PEX5L: variants seen among roughly 807,000 people sequenced by gnomAD.
PEX5L encodes the protein PEX5-related protein.
PEX5L carries 30 observed loss-of-function variants against 84.0 expected under a neutral mutation model. The ratio of observed to expected loss-of-function variants is 0.36; its 90% confidence interval spans 0.27 to 0.48. The LOEUF (loss-of-function observed/expected upper bound fraction) is 0.48, where lower values mean the gene tolerates loss of function less well. Among genes scored for constraint, PEX5L ranks in the 20% least tolerant of loss-of-function variants. The pLI is 0.99. For synonymous variants in PEX5L, 270 were observed against 283.1 expected, an observed-to-expected ratio of 0.95 and a Z score of 0.46; for missense variants, 533 against 754.6, an observed-to-expected ratio of 0.71 and a Z score of 3.44.
At chr3:180,028,500 C>A (rs9828423) in intron 1 of PEX5L, among the ~76,000 whole-genome samples, 51,973 of 152,026 alleles carry the variant, frequency 0.34, 11,663 homozygotes, top group African/African-American at 0.65. Flanking sequence ...AAACATCTAG[C>A]TATTTGGAAA....
chr3:179,808,221 T>G (rs778331280), intron 13 of PEX5L, 51 bp downstream of exon 13: 27 of 1,457,780 alleles, frequency 1.9e-5, no homozygotes, highest in South Asian at 3.0e-5. Flanking sequence ...CTGTGAAAAC[T>G]TATTTGTTAC....
intron 3 of PEX5L, among the ~76,000 whole-genome samples, chr3:179,895,423 C>G (rs988561194): frequency 2.6e-5 from 4 of 152,054 alleles, no homozygotes. Flanking sequence ...TTTCTTCAAA[C>G]CTTTCATCAA....
At chr3:179,922,319 A>G (rs1769715865) in intron 2 of PEX5L, among the ~76,000 whole-genome samples, 1 of 152,240 alleles carries the variant, frequency 6.6e-6, no homozygotes, top group South Asian at 2.1e-4. Context: ...GAGAAAGCAC[A>G]AGATGCTACG....
In PEX5L at chr3:179,976,882, T is replaced by C. The variant is rs905760292; in HGVS notation, c.22-5217A>G. Among the ~76,000 whole-genome samples, 10 of 151,988 alleles carry C rather than the reference T, an allele frequency of 6.6e-5. No homozygotes were observed. In the East Asian group the frequency reaches 1.9e-3, roughly 29 times the overall value. On this transcript the variant is annotated intron_variant, in intron 1 of 14. Coordinates refer to ENST00000467460, the MANE Select transcript of PEX5L (RefSeq NM_016559.3). ...AGATACTGATCATGTTTATAATTCA[T>C]GAAGAAGGAACTAGAAAAAAAAAGT... is the stretch of plus-strand genomic sequence containing the variant.
chr3:179,970,339 C>G lies in PEX5L; in HGVS notation c.93+1255G>C, dbSNP rs569114810. The stretch of plus-strand genomic sequence containing the variant: ...GGGATCAGACATAGACTGCATGCCC[C>G]AAGTATTTAATCTGGCATAAAGTGA... On this transcript the variant is annotated intron_variant, in intron 2 of 14. Transcript: ENST00000467460. Among the ~76,000 whole-genome samples, 3 of 152,064 alleles carry G rather than the reference C, an allele frequency of 2.0e-5. No homozygotes were observed. The East Asian group carries it at 5.8e-4, about 29-fold the overall frequency.
At chr3:179,915,956 G>C (rs1475259223) in intron 2 of PEX5L, among the ~76,000 whole-genome samples, 3 of 152,170 alleles carry the variant, frequency 2.0e-5, no homozygotes, top group Non-Finnish European at 2.9e-5. Context: ...ACACCTCTTT[G>C]AGTGGATACA....
intron 1 of PEX5L, among the ~76,000 whole-genome samples, chr3:179,980,770 G>A (rs997622758): frequency 4.6e-5 from 7 of 152,054 alleles, no homozygotes; most frequent in South Asian, 2.1e-4. Flanking sequence ...GGCCAGGAGC[G>A]GTGGCTCACA....
chr3:180,033,883 ATC>A (rs1187919776), intron 1 of PEX5L, among the ~76,000 whole-genome samples: 1 of 152,164 alleles, frequency 6.6e-6, no homozygotes, highest in Non-Finnish European at 1.5e-5. Flanking sequence ...ACCAAGAAAT[ATC>A]TGTTACTCTA....
chr3:179,950,111 G>T (rs550174027), intron 2 of PEX5L, among the ~76,000 whole-genome samples: 1 of 152,316 alleles, frequency 6.6e-6, no homozygotes, highest in African/African-American at 2.4e-5. Flanking sequence ...TTCTTGGTCA[G>T]TGACAGTGGC....
intron 8 of PEX5L, among the ~76,000 whole-genome samples, chr3:179,824,026 A>AT (rs201940522): frequency 1.3e-5 from 2 of 152,254 alleles, no homozygotes; most frequent in Non-Finnish European, 1.5e-5. Flanking sequence ...GGAAAACAAA[A>AT]TTTTTTTATA....
intron 4 of PEX5L, among the ~76,000 whole-genome samples, chr3:179,884,109 G>A (rs1380745292): frequency 6.6e-6 from 1 of 152,184 alleles, no homozygotes; most frequent in African/African-American, 2.4e-5. Flanking sequence ...AGAAACTTGA[G>A]GCTTGGCAAT....
intron 2 of PEX5L, among the ~76,000 whole-genome samples, chr3:179,947,868 G>A (rs1385837352): frequency 2.6e-5 from 4 of 151,844 alleles, no homozygotes; most frequent in African/African-American, 9.7e-5. Context: ...CACCACGCCT[G>A]GCTAATTTTT....
At chr3:180,008,673 G>C (rs1055428147) in intron 1 of PEX5L, among the ~76,000 whole-genome samples, 1 of 152,174 alleles carries the variant, frequency 6.6e-6, no homozygotes. Flanking sequence ...CTCCTTACAT[G>C]GTGGCAGCAA....
intron 9 of PEX5L, among the ~76,000 whole-genome samples, chr3:179,817,526 T>A (rs2108899591): frequency 6.6e-6 from 1 of 152,264 alleles, no homozygotes; most frequent in Non-Finnish European, 1.5e-5. Context: ...CCCAGAGGGA[T>A]TTATTAGGTT....
chr3:179,995,357 T>C (rs1255480361), intron 1 of PEX5L, among the ~76,000 whole-genome samples: 2 of 141,064 alleles, frequency 1.4e-5, no homozygotes, highest in African/African-American at 4.9e-5. Context: ...GATGGGGTTC[T>C]TTGGTTGGTT....
At chr3:179,954,793 T>A (rs1237323312) in intron 2 of PEX5L, among the ~76,000 whole-genome samples, 1 of 152,114 alleles carries the variant, frequency 6.6e-6, no homozygotes, top group Non-Finnish European at 1.5e-5. Flanking sequence ...TTATTTTTTT[T>A]TTATTTTCAT....
intron 2 of PEX5L, among the ~76,000 whole-genome samples, chr3:179,937,445 C>G (rs1774911566): frequency 6.6e-6 from 1 of 152,118 alleles, no homozygotes; most frequent in South Asian, 2.1e-4. Flanking sequence ...AAAAAAATAG[C>G]CTCTGAGAAG....
intron 1 of PEX5L, among the ~76,000 whole-genome samples, chr3:179,994,112 G>A (rs1383569320): frequency 6.6e-6 from 1 of 152,094 alleles, no homozygotes; most frequent in East Asian, 1.9e-4. Flanking sequence ...TATCTCTAAT[G>A]GTGGACATTC....
chr3:180,023,481 C>G (rs1055679611), intron 1 of PEX5L, among the ~76,000 whole-genome samples: 3 of 152,266 alleles, frequency 2.0e-5, no homozygotes, highest in Admixed American at 6.5e-5. Flanking sequence ...TAAGAAATAT[C>G]AAGCTTCTCG....
Sources: gnomAD v4.1 joint callset for allele counts (sites outside exome capture counted in the v4.1 genomes callset) on GRCh38, gnomAD v4.1.1 for gene constraint, MANE v1.5 for transcripts, NCBI Gene and HGNC (gene_info 2026-07-23, HGNC 2026-07-21) for gene names.